Variants in STIL observed in about 807,000 individuals in gnomAD.
STIL encodes the protein STIL centriolar assembly protein, also known as SCL-interrupting locus protein.
A neutral mutation model predicts 110.1 loss-of-function variants in STIL; 55 were observed. The ratio of observed to expected loss-of-function variants is 0.50; its 90% CI spans 0.40 to 0.63. The LOEUF is 0.63. Among genes scored for constraint, STIL ranks in the 20% least tolerant of loss-of-function variants. STIL has a pLI of 0.00. For synonymous variants in STIL, 481 were observed against 530.0 expected, an observed-to-expected ratio of 0.91 and a Z score of 1.27; for missense variants, 1,358 against 1,530.0, an observed-to-expected ratio of 0.89 and a Z score of 1.87.
At chr1:47,297,871 T>C (rs1290175118) in intron 6 of STIL, among the ~76,000 whole-genome samples, 3 of 152,164 alleles carry the variant, frequency 2.0e-5, no homozygotes, top group African/African-American at 2.4e-5. Flanking sequence ...CAGTCACAGA[T>C]GGATAATTCC....
At chr1:47,293,320 T>C (rs1645548465) in intron 8 of STIL, 138 bp downstream of exon 8, 2 of 650,342 alleles carry the variant, frequency 3.1e-6, no homozygotes, top group Non-Finnish European at 2.7e-6. Context: ...TAATATAAGG[T>C]TTGTTTTTTC....
chr1:47,266,962 T>C (rs1243112771), intron 14 of STIL, among the ~76,000 whole-genome samples: 1 of 152,236 alleles, frequency 6.6e-6, no homozygotes, highest in African/African-American at 2.4e-5. Context: ...TCATTTCCTA[T>C]ACTCTCCCTC....
chr1:47,300,304 T>G, intron 5 of STIL, 152 bp from the exon 6 acceptor site: 1 of 776,284 alleles, frequency 1.3e-6, no homozygotes, highest in Non-Finnish European at 2.0e-6. Flanking sequence ...TCTCGTTTAT[T>G]CCATGTGACC....
intron 14 of STIL, among the ~76,000 whole-genome samples, chr1:47,265,001 C>G (rs189987230): frequency 6.7e-6 from 1 of 148,720 alleles, no homozygotes; most frequent in Non-Finnish European, 1.5e-5. Flanking sequence ...TTTGGGAGGC[C>G]GAGACAAGCA....
intron 8 of STIL, among the ~76,000 whole-genome samples, chr1:47,291,579 TTTTA>T: frequency 6.6e-6 from 1 of 151,964 alleles, no homozygotes. Flanking sequence ...CTATTTTATT[TTTTA>T]TTTATTTATT....
chr1:47,268,319 G>C (rs774636465), intron 14 of STIL, among the ~76,000 whole-genome samples: 1 of 151,998 alleles, frequency 6.6e-6, no homozygotes, highest in East Asian at 1.9e-4. Flanking sequence ...GGTGGCGCAC[G>C]CCTGTAATCC....
At chr1:47,252,800 C>CACAT (rs2148633921) in intron 16 of STIL, among the ~76,000 whole-genome samples, 1 of 150,636 alleles carries the variant, frequency 6.6e-6, no homozygotes, top group African/African-American at 2.5e-5. Context: ...CACACACACA[C>CACAT]ACACACACAC....
chr1:47,263,088 GTTC>G lies in STIL; in HGVS notation c.2641_2643del (p.Glu881del). The G allele has an allele frequency of 1.9e-6, 3 of 1,614,146 alleles. No individual in the cohort carries two copies. Among genetic ancestry groups the G allele is most frequent in the Non-Finnish European group, 2.5e-6 (3 of 1,180,028 alleles). On this transcript the variant is annotated inframe_deletion, in exon 15 of 17. Coordinates refer to ENST00000371877, the MANE Select transcript of STIL (RefSeq NM_001048166.1). Reference sequence around the variant, plus strand: ...CTTGGAAAGAACACAGGTACATCAGGTTCTTTTCTCACAACTAGAGAAGAGCTG... The same window carrying G: ...CTTGGAAAGAACACAGGTACATCAGGTTTTCTCACAACTAGAGAAGAGCTG...
At chr1:47,255,946 G>T (rs767067108) in intron 16 of STIL, among the ~76,000 whole-genome samples, 10 of 152,154 alleles carry the variant, frequency 6.6e-5, no homozygotes, top group Middle Eastern at 3.2e-3. Flanking sequence ...TCCAGAACTG[G>T]AACATGAAAT....
Position 47,251,343 on chromosome 1 carries a change from T to C in STIL, c.3660A>G (p.Val1220=). 6.2e-7 allele frequency: 1 copy of C among 1,614,260 alleles called. No individual in the cohort carries two copies. Among genetic ancestry groups the C allele is most frequent in the South Asian group, 1.1e-5 (1 of 91,086 alleles). ...CTGCAGGACTTGGTTTAAGGTTCTT[T>C]ACTAAGAAAGCTGGCTTTTCAGTCA... ...QQLTEKPAFL[V]KNLKPSPAVN... Residue 1220 remains valine, a synonymous_variant, in exon 17 of 17, where the codon GTA becomes GTG. Transcript: ENST00000371877.
intron 13 of STIL, 70 bp downstream of exon 13, chr1:47,272,006 A>G (rs927692938): frequency 5.8e-6 from 9 of 1,547,300 alleles, no homozygotes; most frequent in Admixed American, 1.9e-5. Context: ...TTTGAACATA[A>G]AATTCAAAAA....
At chr1:47,290,800 A>G (rs894705566) in intron 8 of STIL, among the ~76,000 whole-genome samples, 3 of 152,158 alleles carry the variant, frequency 2.0e-5, no homozygotes, top group African/African-American at 7.2e-5. Flanking sequence ...ATCATTGGAA[A>G]AGTTTATTTT....
intron 6 of STIL, among the ~76,000 whole-genome samples, chr1:47,299,534 A>G (rs1237879713): frequency 6.6e-6 from 1 of 151,690 alleles, no homozygotes; most frequent in Non-Finnish European, 1.5e-5. Flanking sequence ...CTGGGACTAC[A>G]GGCATGCACC....
chr1:47,272,814 T>C (rs985070849), intron 12 of STIL, among the ~76,000 whole-genome samples: 1 of 152,234 alleles, frequency 6.6e-6, no homozygotes, highest in African/African-American at 2.4e-5. Context: ...TAACATTATA[T>C]TCCTATTTCA....
chr1:47,267,534 G>A (rs1209037783), intron 14 of STIL, among the ~76,000 whole-genome samples: 2 of 151,940 alleles, frequency 1.3e-5, no homozygotes, highest in Non-Finnish European at 2.9e-5. Context: ...GCAAAACCCT[G>A]TCTCTACTAA....
intron 1 of STIL, 93 bp from the exon 2 acceptor site, chr1:47,310,455 A>G (rs1218770234): frequency 2.0e-5 from 15 of 733,986 alleles, no homozygotes; most frequent in African/African-American, 3.6e-5. Flanking sequence ...GCAAAATTAG[A>G]TTACTTATAT....
intron 10 of STIL, among the ~76,000 whole-genome samples, chr1:47,285,196 A>C (rs1275720639): frequency 2.0e-5 from 3 of 151,904 alleles, no homozygotes; most frequent in African/African-American, 7.3e-5. Context: ...TAAATTCTGT[A>C]CTTCTTTTCT....
intron 10 of STIL, 26 bp downstream of exon 10, chr1:47,287,525 C>A: frequency 6.9e-7 from 1 of 1,442,162 alleles, no homozygotes; most frequent in Non-Finnish European, 9.6e-7. Context: ...AAAAAACACA[C>A]ACATAATAAC....
chr1:47,311,646 T>A (rs3122611), intron 1 of STIL, among the ~76,000 whole-genome samples: 87,431 of 152,082 alleles, frequency 0.57, 27,290 homozygotes, highest in African/African-American at 0.83. Context: ...TTATTGAAGC[T>A]AAACACAGAC....
Sources: allele counts gnomAD v4.1 joint callset (sites outside exome capture counted in the v4.1 genomes callset), GRCh38; gene constraint gnomAD v4.1.1; transcripts MANE v1.5; gene names NCBI Gene and HGNC (gene_info 2026-07-23, HGNC 2026-07-21).